ZNF608: variants seen among roughly 807,000 people sequenced by gnomAD.
ZNF608 encodes zinc finger protein 608, also known as renal carcinoma antigen NY-REN-36.
A neutral mutation model predicts 109.0 loss-of-function variants in ZNF608; 12 were observed. That is an observed-to-expected ratio of 0.11 (90% CI 0.07 to 0.18). The LOEUF (loss-of-function observed/expected upper bound fraction) is 0.18. Ranked by LOEUF, ZNF608 falls within the 10% of genes least tolerant of loss-of-function variation. The pLI, the probability that ZNF608 is intolerant of heterozygous loss-of-function variation, is 1.00. For synonymous variants in ZNF608, 732 were observed against 717.4 expected (o/e 1.02, Z -0.33); for missense variants, 1,707 against 1,879.3 (o/e 0.91, Z 1.70).
rs1291409383 is a variant in ZNF608, at chr5:124,692,855, G to T, written c.1162+8159C>A. Among the ~76,000 whole-genome samples the T allele has an allele frequency of 2.6e-5, 4 of 152,146 alleles. No individual in the cohort carries two copies. The East Asian group carries it at 7.7e-4, about 29-fold the overall frequency. ...TGAGGATTAAAGGAAATCATGACCT[G>T]ACAAGCATGCCTAGCACAATGCCTG... On this transcript the variant is annotated intron_variant, in intron 3 of 9. Transcript: ENST00000513986.
intron 2 of ZNF608, among the ~76,000 whole-genome samples, chr5:124,716,867 G>A (rs1753723927): frequency 6.6e-6 from 1 of 152,128 alleles, no homozygotes; most frequent in African/African-American, 2.4e-5. Context: ...CGAATCACCT[G>A]AGGTCGGGAG....
intron 2 of ZNF608, among the ~76,000 whole-genome samples, chr5:124,723,826 A>G (rs1163349593): frequency 5.3e-5 from 8 of 152,202 alleles, no homozygotes; most frequent in Non-Finnish European, 1.2e-4. Context: ...TGCAAAACAC[A>G]TGAAAAAATT....
intron 2 of ZNF608, among the ~76,000 whole-genome samples, chr5:124,712,335 C>G (rs189807468): frequency 6.6e-6 from 1 of 152,052 alleles, no homozygotes; most frequent in Admixed American, 6.5e-5. Flanking sequence ...GGCAGAGGAT[C>G]GCCTGTTGGG....
intron 3 of ZNF608, among the ~76,000 whole-genome samples, chr5:124,679,578 T>C (rs955927090): frequency 6.6e-6 from 1 of 152,120 alleles, no homozygotes; most frequent in Non-Finnish European, 1.5e-5. Flanking sequence ...GATATCAATG[T>C]GATATTTAAA....
rs959142950 is a variant in ZNF608 at position 124,648,470 on chromosome 5, C to G, written c.1914G>C (p.Lys638Asn). ...PGAGNPPGTPKGKRELMSNGP... is the reference protein window; with the variant it reads ...PGAGNPPGTPNGKRELMSNGP... ...CATTGCTCATCAGCTCTCTCTTTCC[C>G]TTTGGGGTCCCAGGTGGGTTTCCAG... Residue 638 changes from lysine to asparagine, a missense_variant, in exon 5 of 10, where the codon AAG becomes AAC. Physicochemically the swap from Lys to Asn is moderately conservative, Grantham distance 94 (BLOSUM62 0). Around this residue, in one of 7 missense-constraint regions of ZNF608, gnomAD observed 1,073 missense variants for 1,133.5 expected, o/e 0.95. Transcript: ENST00000513986. The G allele has an allele frequency of 6.2e-7, 1 of 1,614,194 alleles. No homozygotes were observed. The highest frequency in any genetic ancestry group is 8.5e-7 in the Non-Finnish European group (1 of 1,180,038).
chr5:124,644,498 C>G lies in ZNF608; in HGVS notation c.3869G>C (p.Ser1290Thr). The change falls in exon 6 of 10, where the codon AGC becomes ACC. Residue 1290 changes from serine to threonine, a missense_variant. Ser to Thr is a moderately conservative substitution (Grantham distance 58). Coordinates refer to ENST00000513986, the MANE Select transcript of ZNF608 (RefSeq NM_020747.3). ...GGCCTCTTTGGGCTCCTCTTTAATG[C>G]TTGTTAACGATACAGGAAGGCTGGG... is the stretch of plus-strand genomic sequence containing the variant. The part of the protein sequence containing the change: ...GVPSLPVSLT[S>T]IKEEPKEAKH... 1 of 1,614,114 alleles carries G rather than the reference C, an allele frequency of 6.2e-7. No individual in the cohort carries two copies. Among genetic ancestry groups the G allele is most frequent in the Non-Finnish European group, 8.5e-7 (1 of 1,180,008 alleles).
At chr5:124,737,836 T>C (rs895856874) in intron 2 of ZNF608, among the ~76,000 whole-genome samples, 1 of 152,200 alleles carries the variant, frequency 6.6e-6, no homozygotes, top group Non-Finnish European at 1.5e-5. Flanking sequence ...ATGAATAGTT[T>C]AACAACCTTT....
chr5:124,649,284 G>T, intron 4 of ZNF608, 151 bp from the exon 5 acceptor site: 2 of 666,332 alleles, frequency 3.0e-6, no homozygotes, highest in Non-Finnish European at 4.7e-6. Context: ...TCCAACACCT[G>T]CAAAAGAACA....
At position 124,744,068 on chromosome 5, in the gene ZNF608, G is replaced by T; in HGVS notation, c.906+16C>A. On this transcript the variant is annotated intron_variant, in intron 2 of 9. Transcript: ENST00000513986. The surrounding 1 kb of genome is among the most constrained non-coding windows in gnomAD (Gnocchi z 4.5). ...CAGAGGAGAGTAGGACATCTAGGAAGGCGACTTTATCCTACCTTCTCAGTT... is the reference window on the plus strand; with the variant it reads ...CAGAGGAGAGTAGGACATCTAGGAATGCGACTTTATCCTACCTTCTCAGTT... 2 of 1,564,014 alleles carry T rather than the reference G, an allele frequency of 1.3e-6. No homozygotes were observed. The highest frequency in any genetic ancestry group is 1.2e-5 in the South Asian group (1 of 81,694).
At chr5:124,746,137 G>A in intron 1 of ZNF608, 58 bp downstream of exon 1, 1 of 985,022 alleles carries the variant, frequency 1.0e-6, no homozygotes, top group Non-Finnish European at 1.2e-6. Flanking sequence ...TGATTGTCAA[G>A]AAAAAAATAA....
At chr5:124,717,469 TTAAA>T in intron 2 of ZNF608, among the ~76,000 whole-genome samples, 1 of 152,268 alleles carries the variant, frequency 6.6e-6, no homozygotes, top group Admixed American at 6.5e-5. Context: ...AGACTCCACC[TTAAA>T]TAAATAAATA....
At chr5:124,668,405 A>G (rs1751576310) in intron 3 of ZNF608, among the ~76,000 whole-genome samples, 1 of 151,580 alleles carries the variant, frequency 6.6e-6, no homozygotes, top group Non-Finnish European at 1.5e-5. Flanking sequence ...AGAAAAAAAA[A>G]AATCACGTAA....
At chr5:124,745,736 T>C (rs1749616253) in intron 1 of ZNF608, among the ~76,000 whole-genome samples, 1 of 152,172 alleles carries the variant, frequency 6.6e-6, no homozygotes, top group African/African-American at 2.4e-5. Context: ...CTGTTTTTTG[T>C]TCCTAGTAAG....
intron 8 of ZNF608, among the ~76,000 whole-genome samples, chr5:124,639,520 C>G (rs1245669576): frequency 6.6e-6 from 1 of 152,192 alleles, no homozygotes; most frequent in Non-Finnish European, 1.5e-5. Flanking sequence ...GGAGAAATAA[C>G]AGATACCAGG....
chr5:124,666,577 A>G (rs946015422), intron 3 of ZNF608: 2 of 148,158 alleles, frequency 1.3e-5, no homozygotes, highest in Non-Finnish European at 3.0e-5. Context: ...AAATGGAAAG[A>G]AAAAAACTTC....
chr5:124,714,612 G>T (rs1367125666), intron 2 of ZNF608, among the ~76,000 whole-genome samples: 2 of 152,160 alleles, frequency 1.3e-5, no homozygotes, highest in African/African-American at 2.4e-5. Flanking sequence ...GGAGATTATA[G>T]TATTACCTAA....
intron 3 of ZNF608, among the ~76,000 whole-genome samples, chr5:124,694,140 T>A (rs971531441): frequency 1.2e-5 from 1 of 83,502 alleles, no homozygotes; most frequent in Non-Finnish European, 2.2e-5. Flanking sequence ...CACGCTCGGC[T>A]AATTTTTTTT....
chr5:124,705,366 C>G (rs6860814), intron 2 of ZNF608, among the ~76,000 whole-genome samples: 116,763 of 152,082 alleles, frequency 0.77, 45,657 homozygotes, highest in African/African-American at 0.92. Context: ...CAAGTTACCG[C>G]GCTTCTCTTC....
At chr5:124,677,598 A>G (rs1438491573) in intron 3 of ZNF608, among the ~76,000 whole-genome samples, 1 of 152,200 alleles carries the variant, frequency 6.6e-6, no homozygotes, top group Non-Finnish European at 1.5e-5. Context: ...AATTCATAGA[A>G]CAGTGGCAGG....
Sources: gnomAD v4.1 joint callset for allele counts (sites outside exome capture counted in the v4.1 genomes callset) on GRCh38, gnomAD v4.1.1 for gene constraint, gnomAD v4.1.1 regional missense constraint, Gnocchi (gnomAD v3.1) non-coding constraint, MANE v1.5 for transcripts, NCBI Gene and HGNC (gene_info 2026-07-23, HGNC 2026-07-21) for gene names.